GPC6: variants seen among roughly 807,000 people sequenced by gnomAD.
The protein encoded by GPC6 is glypican-6.
GPC6 carries 14 observed loss-of-function variants against 55.2 expected under a neutral mutation model. The observed-to-expected ratio is 0.25, with a 90% CI of 0.17 to 0.40. The LOEUF (loss-of-function observed/expected upper bound fraction) is 0.40, where lower values mean the gene tolerates loss of function less well. Among genes scored for constraint, GPC6 ranks in the 10% least tolerant of loss-of-function variants. GPC6 has a pLI of 1.00. For synonymous variants in GPC6, 278 were observed against 259.6 expected, an observed-to-expected ratio of 1.07 and a Z score of -0.68; for missense variants, 641 against 708.5, an observed-to-expected ratio of 0.90 and a Z score of 1.08.
intron 4 of GPC6, among the ~76,000 whole-genome samples, chr13:94,104,662 T>G (rs1430363596): frequency 2.0e-5 from 3 of 152,168 alleles, no homozygotes. Flanking sequence ...AGCATTCTTA[T>G]ACACCAACAA....
At chr13:94,233,121 T>C (rs933086063) in intron 4 of GPC6, among the ~76,000 whole-genome samples, 7 of 149,770 alleles carry the variant, frequency 4.7e-5, no homozygotes, top group Admixed American at 1.3e-4. Context: ...AATGTACCCA[T>C]CACTGTCTTC....
rs544245116 is a variant in GPC6 at position 93,732,681 on chromosome 13, C to T, written c.320-97473C>T. 3.3e-5 allele frequency among the ~76,000 whole-genome samples: 5 copies of T among 152,142 alleles called. No individual in the cohort carries two copies. The South Asian group carries it at 1.0e-3, about 32-fold the overall frequency. On this transcript the variant is annotated intron_variant, in intron 2 of 8. Transcript: ENST00000377047. ...TAAATGTATTTTAAGAAATTGCTCT[C>T]TTTGGTATCATTTATTATAGACTCA...
chr13:93,613,965 A>T (rs753508266), intron 2 of GPC6, among the ~76,000 whole-genome samples: 4 of 152,164 alleles, frequency 2.6e-5, no homozygotes, highest in African/African-American at 4.8e-5. Context: ...ATTTAGAACA[A>T]TTGGTGGGCA....
intron 4 of GPC6, among the ~76,000 whole-genome samples, chr13:94,127,729 C>T (rs543692539): frequency 1.3e-5 from 2 of 152,210 alleles, no homozygotes; most frequent in African/African-American, 4.8e-5. Flanking sequence ...AAGAAGAGTG[C>T]CAGGGAACTG....
At chr13:94,185,787 G>C (rs765791709) in intron 4 of GPC6, among the ~76,000 whole-genome samples, 33 of 152,070 alleles carry the variant, frequency 2.2e-4, no homozygotes, top group Non-Finnish European at 2.5e-4. Flanking sequence ...GAAAGTTGAA[G>C]AGTTTATTTA....
In GPC6 at chr13:94,406,202, T is replaced by A. The variant is rs1192348520; in HGVS notation, c.*2985T>A. 6.6e-6 allele frequency: 1 copy of A among 152,150 alleles called. No homozygotes were observed. 9.4% of individuals were successfully genotyped at this position (152,150 alleles called of 1,614,324 possible). A position where few individuals can be genotyped will look rare whatever the true frequency, so the allele number is the denominator to read the frequency against. ...GAAGTGCCTCTATTTACATGTTCTT[T>A]AGTTATAATATGTATTTTTCTAACA... On this transcript the variant is annotated 3_prime_UTR_variant, in exon 9 of 9. Coordinates refer to ENST00000377047, the MANE Select transcript of GPC6 (RefSeq NM_005708.5).
At chr13:94,232,794 G>A (rs976582365) in intron 4 of GPC6, among the ~76,000 whole-genome samples, 1 of 151,994 alleles carries the variant, frequency 6.6e-6, no homozygotes, top group African/African-American at 2.4e-5. Context: ...ATGTGTCTCG[G>A]ATACCTGACT....
intron 2 of GPC6, among the ~76,000 whole-genome samples, chr13:93,606,813 A>G (rs1438702708): frequency 6.6e-6 from 1 of 152,168 alleles, no homozygotes; most frequent in Admixed American, 6.5e-5. Context: ...CAAAACAAAA[A>G]CAAAACTATG....
chr13:93,558,752 C>G (rs1875605627), intron 2 of GPC6, among the ~76,000 whole-genome samples: 1 of 151,870 alleles, frequency 6.6e-6, no homozygotes, highest in Non-Finnish European at 1.5e-5. Flanking sequence ...AATTTAAATC[C>G]CTGTTGAACA....
chr13:93,301,078 G>A (rs543707369), intron 1 of GPC6, among the ~76,000 whole-genome samples: 11 of 151,726 alleles, frequency 7.2e-5, no homozygotes, highest in Non-Finnish European at 1.5e-4. Flanking sequence ...AATCCAACCC[G>A]GTTCCATTGG....
At chr13:93,829,873 C>T (rs1176316714) in intron 2 of GPC6, among the ~76,000 whole-genome samples, 1 of 152,020 alleles carries the variant, frequency 6.6e-6, no homozygotes, top group Non-Finnish European at 1.5e-5. Flanking sequence ...TAAAATTTAA[C>T]AAGAAATGAT....
chr13:93,943,148 T>C lies in GPC6; in HGVS notation c.712-84581T>C, dbSNP rs533219802. On this transcript the variant is annotated intron_variant, in intron 3 of 8. Transcript: ENST00000377047. ...AGCACGTTAAAGCAAGGACAATCAT[T>C]AGATACTGTTGCATGAATGAATTAT... is the stretch of plus-strand genomic sequence containing the variant. Among the ~76,000 whole-genome samples the C allele has an allele frequency of 2.6e-5, 4 of 152,340 alleles. No homozygotes were observed. In the East Asian group the frequency reaches 5.8e-4, roughly 22 times the overall value.
intron 3 of GPC6, among the ~76,000 whole-genome samples, chr13:93,892,647 T>G (rs1875758338): frequency 2.0e-5 from 3 of 152,208 alleles, no homozygotes; most frequent in African/African-American, 7.2e-5. Flanking sequence ...ATAACCATTA[T>G]GTAATCACAT....
chr13:93,809,615 A>T (rs1886637781), intron 2 of GPC6, among the ~76,000 whole-genome samples: 1 of 152,106 alleles, frequency 6.6e-6, no homozygotes, highest in African/African-American at 2.4e-5. Flanking sequence ...TGTGCCCACT[A>T]CCACTTCTCC....
chr13:93,224,039 G>A (rs1452507283), upstream of GPC6, among the ~76,000 whole-genome samples: 77 of 151,082 alleles, frequency 5.1e-4, no homozygotes, highest in African/African-American at 1.8e-3. Context: ...AGCTGGGACT[G>A]CAGTGCCGGC....
chr13:93,542,427 C>A (rs1279498868), intron 1 of GPC6, among the ~76,000 whole-genome samples: 1 of 152,120 alleles, frequency 6.6e-6, no homozygotes, highest in African/African-American at 2.4e-5. Context: ...GTTACTGTAG[C>A]CTTGTAGTAT....
intron 3 of GPC6, among the ~76,000 whole-genome samples, chr13:93,931,418 G>C (rs1878163986): frequency 7.0e-6 from 1 of 142,112 alleles, no homozygotes; most frequent in African/African-American, 2.7e-5. Flanking sequence ...AGGCCACAGG[G>C]GAAATACCAT....
chr13:94,106,463 TG>T (rs1313430714), intron 4 of GPC6, among the ~76,000 whole-genome samples: 2 of 152,140 alleles, frequency 1.3e-5, no homozygotes, highest in Non-Finnish European at 2.9e-5. Context: ...AGGGTTATTT[TG>T]TTTCTAAGAA....
intron 2 of GPC6, among the ~76,000 whole-genome samples, chr13:93,678,963 T>G (rs1273580218): frequency 6.6e-6 from 1 of 152,180 alleles, no homozygotes; most frequent in Non-Finnish European, 1.5e-5. Flanking sequence ...CTTTTTGCAG[T>G]CAGGAAGCTG....
Sources: gnomAD v4.1 joint callset for allele counts (sites outside exome capture counted in the v4.1 genomes callset) on GRCh38, gnomAD v4.1.1 for gene constraint, MANE v1.5 for transcripts, NCBI Gene and HGNC (gene_info 2026-07-23, HGNC 2026-07-21) for gene names.